CSF2RA: variants seen among roughly 807,000 people sequenced by gnomAD.
CSF2RA encodes the protein granulocyte-macrophage colony-stimulating factor receptor subunit alpha.
In CSF2RA, 42 loss-of-function variants were observed where a neutral mutation model predicts 51.6. The ratio of observed to expected loss-of-function variants is 0.81; its 90% confidence interval spans 0.64 to 1.05. CSF2RA has a LOEUF of 1.05. Among genes scored for constraint, CSF2RA ranks in the 50% least tolerant of loss-of-function variants. The pLI, the probability that CSF2RA is intolerant of heterozygous loss-of-function variation, is 0.00. For missense variants in CSF2RA, 530 were observed against 501.1 expected (o/e 1.06, Z -0.55); for synonymous variants, 222 against 193.0 (o/e 1.15, Z -1.24).
chrX:1,306,823 A>C (rs1314650033), intron 12 of CSF2RA, among the ~76,000 whole-genome samples: 1 of 151,176 alleles, frequency 6.6e-6, no homozygotes, highest in East Asian at 1.9e-4. Context: ...AAAGACGGAC[A>C]GAGAGAGAAA....
chrX:1,274,569 C>G (rs2088897053), intron 1 of CSF2RA, among the ~76,000 whole-genome samples, 186 bp from the exon 2 acceptor site: 1 of 151,596 alleles, frequency 6.6e-6, no homozygotes. Flanking sequence ...AAATGATCCA[C>G]CTGCCTCGGC....
rs181690743 is a variant in CSF2RA at position 1,300,425 on chromosome X, G to A, written c.811-66G>A. The A allele has an allele frequency of 3.4e-5, 53 of 1,580,258 alleles. No individual in the cohort carries two copies. The African/African-American group carries it at 4.5e-4, about 13-fold the overall frequency. Reference sequence around the variant, plus strand: ...AAAAAAACTTAAAAGACAAAAGAACGAAAAAAGGCAACCTTTTCCTCCACA... The same window carrying A: ...AAAAAAACTTAAAAGACAAAAGAACAAAAAAAGGCAACCTTTTCCTCCACA... On this transcript the variant is annotated intron_variant, in intron 9 of 12. Transcript: ENST00000381529.
intron 2 of CSF2RA, among the ~76,000 whole-genome samples, chrX:1,280,162 CAGATGCTTGAACTAA>C (rs1443580202): frequency 2.0e-5 from 3 of 151,986 alleles, no homozygotes; most frequent in South Asian, 4.1e-4. Flanking sequence ...CCACCAGGTG[CAGATGCTTGAACTAA>C]AGATGCTACA....
chrX:1,291,715 C>T lies in CSF2RA; in HGVS notation c.646+1206C>T, dbSNP rs761636129. Reference sequence around the variant, plus strand: ...TCTCCTGTACATGGTAGCTGCCCCACCTCCACTTGGACCCAGTGTAGACAG... The same window carrying T: ...TCTCCTGTACATGGTAGCTGCCCCATCTCCACTTGGACCCAGTGTAGACAG... On this transcript the variant is annotated intron_variant, in intron 7 of 12. Coordinates refer to ENST00000381529, the MANE Select transcript of CSF2RA (RefSeq NM_172245.4). Among the ~76,000 whole-genome samples the T allele has an allele frequency of 9.6e-4, 146 of 152,294 alleles. 1 individual carries two copies. The highest frequency in any genetic ancestry group is 3.1e-3 in the African/African-American group (129 of 41,578).
chrX:1,324,448 AAGAAAAAG>A, the CSF2RA span, among the ~76,000 whole-genome samples: 22 of 74,096 alleles, frequency 3.0e-4, no homozygotes, highest in East Asian at 5.7e-4. Flanking sequence ...AGAAAAAAGA[AAGAAAAAG>A]AAAGAGAAAG....
Position 1,308,712 on chromosome X carries a change from C to T in CSF2RA, c.1126-690C>T, listed in dbSNP as rs191086047. On this transcript the variant is annotated intron_variant, in intron 12 of 12. Coordinates refer to ENST00000381529, the MANE Select transcript of CSF2RA (RefSeq NM_172245.4). ...TCCACCCCCACGCCAGCCTCCTCCC[C>T]GGCCCCCGCTTTCCACTGACCCCCA... is the stretch of plus-strand genomic sequence containing the variant. Among the ~76,000 whole-genome samples the T allele has an allele frequency of 4.1e-3, 628 of 152,250 alleles. 4 individuals are homozygous for T. The highest frequency in any genetic ancestry group is 0.015 in the African/African-American group (603 of 41,574).
intron 1 of CSF2RA, among the ~76,000 whole-genome samples, chrX:1,269,882 C>T (rs1223909850): frequency 1.3e-4 from 19 of 151,794 alleles, no homozygotes; most frequent in African/African-American, 3.9e-4. Context: ...CTGAGGCGGG[C>T]GGATCACCTG....
the CSF2RA span, among the ~76,000 whole-genome samples, chrX:1,321,050 G>A: frequency 2.0e-5 from 3 of 150,666 alleles, no homozygotes; most frequent in African/African-American, 7.3e-5. Context: ...CACCATGTCA[G>A]TCAGGCTGGT....
intron 9 of CSF2RA, 27 bp from the exon 10 acceptor site, chrX:1,300,464 T>C: frequency 6.2e-7 from 1 of 1,613,798 alleles, no homozygotes; most frequent in Non-Finnish European, 8.5e-7. Context: ...AAGACGCCTA[T>C]CTCTAACTTT....
chrX:1,321,696 A>G, the CSF2RA span, among the ~76,000 whole-genome samples: 1 of 152,180 alleles, frequency 6.6e-6, no homozygotes, highest in East Asian at 1.9e-4. Context: ...CGGACTGCAA[A>G]AAGAAGACCA....
the CSF2RA span, among the ~76,000 whole-genome samples, chrX:1,320,741 G>A: frequency 1.2e-3 from 178 of 145,856 alleles, no homozygotes; most frequent in African/African-American, 4.4e-3. Flanking sequence ...TCGATCCCCT[G>A]ACCTTGTGAT....
In CSF2RA at chrX:1,309,668, CCT is replaced by C; in HGVS notation, c.*190_*191del. 7.4e-7 allele frequency: 1 copy of C among 1,342,558 alleles called. No homozygotes were observed. The highest frequency in any genetic ancestry group is 1.2e-5 in the South Asian group (1 of 85,146). 83.2% of individuals were successfully genotyped at this position (1,342,558 alleles called of 1,614,324 possible). A position where few individuals can be genotyped will look rare whatever the true frequency, so the allele number is the denominator to read the frequency against. ...TTGGGAGGCCAAGGCAGGCGGATCA[CCT>C]GAGGTCAGGAGTTCAAGACCAGCCT... On this transcript the variant is annotated 3_prime_UTR_variant, in exon 13 of 13. Coordinates refer to ENST00000381529, the MANE Select transcript of CSF2RA (RefSeq NM_172245.4).
chrX:1,323,289 G>GAACAA, the CSF2RA span, among the ~76,000 whole-genome samples: 9 of 145,080 alleles, frequency 6.2e-5, no homozygotes, highest in African/African-American at 2.3e-4. Context: ...CGAGGCGGGC[G>GAACAA]GATCACCTGA....
At position 1,294,371 on chromosome X, in the gene CSF2RA, G is replaced by A. The variant is rs764895195; in HGVS notation, c.690G>A (p.Thr230=). 1.9e-5 allele frequency: 30 copies of A among 1,613,758 alleles called. No homozygotes were observed. In the East Asian group the frequency reaches 3.6e-4, roughly 19 times the overall value. The change falls in exon 8 of 13, where the codon ACG becomes ACA. Residue 230 remains threonine (T), a synonymous_variant. Coordinates refer to ENST00000381529, the MANE Select transcript of CSF2RA (RefSeq NM_172245.4). ...PPSNVTVRCN[T]THCLVRWKQP... ...GCAATGTCACCGTACGTTGCAACAC[G>A]ACGCACTGCCTCGTACGGTGGAAAC...
chrX:1,288,367 AG>A, intron 4 of CSF2RA, 151 bp from the exon 5 acceptor site: 1 of 770,242 alleles, frequency 1.3e-6, no homozygotes, highest in South Asian at 1.5e-5. Flanking sequence ...CTGTAATCCG[AG>A]CTACTCGGGA....
chrX:1,280,005 G>T (rs1288413461), intron 2 of CSF2RA, among the ~76,000 whole-genome samples: 6 of 151,818 alleles, frequency 4.0e-5, no homozygotes, highest in African/African-American at 1.2e-4. Flanking sequence ...AGCCAAGCTG[G>T]TCCCGAACTC....
chrX:1,277,857 G>A (rs1226406323), intron 2 of CSF2RA, among the ~76,000 whole-genome samples: 7 of 149,248 alleles, frequency 4.7e-5, no homozygotes, highest in Non-Finnish European at 7.4e-5. Context: ...CGTGCCTGTA[G>A]TCCCAGCTAC....
At chrX:1,319,579 T>C in the CSF2RA span, among the ~76,000 whole-genome samples, 2 of 149,644 alleles carry the variant, frequency 1.3e-5, no homozygotes, top group African/African-American at 4.9e-5. Flanking sequence ...TGAGCCACCA[T>C]GCCTAGCCCA....
chrX:1,314,564 T>TCCCACTGCACCTGCCCAAC (rs1569514950), downstream of CSF2RA, among the ~76,000 whole-genome samples: 2 of 8,636 alleles, frequency 2.3e-4, no homozygotes, highest in Admixed American at 1.3e-3. Context: ...ACCTGCCCAA[T>TCCCACTGCACCTGCCCAAC]CCCACTGCAC....
Sources: gnomAD v4.1 joint callset for allele counts (sites outside exome capture counted in the v4.1 genomes callset) on GRCh38, gnomAD v4.1.1 for gene constraint, MANE v1.5 for transcripts, NCBI Gene and HGNC (gene_info 2026-07-23, HGNC 2026-07-21) for gene names.